TMLHE: variants seen among roughly 807,000 people sequenced by gnomAD.
The protein encoded by TMLHE is trimethyllysine dioxygenase, mitochondrial.
In TMLHE, 18 loss-of-function variants were observed where a neutral mutation model predicts 25.7. The ratio of observed to expected loss-of-function variants is 0.70; its 90% CI spans 0.48 to 1.04. The LOEUF (loss-of-function observed/expected upper bound fraction) is 1.04. Ranked by LOEUF, TMLHE falls within the 50% of genes least tolerant of loss-of-function variation. The pLI is 0.00. For synonymous variants in TMLHE, 105 were observed against 97.0 expected, an observed-to-expected ratio of 1.08 and a Z score of -0.49; for missense variants, 236 against 259.0, an observed-to-expected ratio of 0.91 and a Z score of 0.61.
intron 1 of TMLHE, among the ~76,000 whole-genome samples, chrX:155,551,281 T>C (rs1383659105): frequency 9.1e-6 from 1 of 109,746 alleles, no homozygotes; most frequent in Admixed American, 9.6e-5. Flanking sequence ...TACATGTGTA[T>C]ACATGTGCCA....
chrX:155,527,512 C>T (rs1557336653), intron 2 of TMLHE, among the ~76,000 whole-genome samples: 1 of 111,663 alleles, frequency 9.0e-6, no homozygotes, highest in South Asian at 3.7e-4. Context: ...CAGGCTAATA[C>T]AGGAGGTCCT....
intron 1 of TMLHE, among the ~76,000 whole-genome samples, chrX:155,582,792 T>A (rs1331057512): frequency 1.2e-4 from 13 of 112,142 alleles, no homozygotes; most frequent in Non-Finnish European, 2.4e-4. Flanking sequence ...GAACTAGAAA[T>A]ACCATTTGAC....
At chrX:155,508,817 T>C (rs2067090880) in intron 5 of TMLHE, among the ~76,000 whole-genome samples, 1 of 110,059 alleles carries the variant, frequency 9.1e-6, no homozygotes, top group South Asian at 3.8e-4. Flanking sequence ...TGCCTATGGG[T>C]TTGAGGAGTA....
At chrX:155,589,644 G>C (rs1446314239) in intron 1 of TMLHE, among the ~76,000 whole-genome samples, 2 of 111,502 alleles carry the variant, frequency 1.8e-5, no homozygotes, top group Non-Finnish European at 3.8e-5. Context: ...TGTGTGGATG[G>C]GAGAAGTGAT....
intron 1 of TMLHE, among the ~76,000 whole-genome samples, chrX:155,594,242 C>G (rs2124488387): frequency 8.9e-6 from 1 of 112,006 alleles, no homozygotes; most frequent in East Asian, 2.8e-4. Context: ...ATCAGCATAT[C>G]AGATGTTTTA....
chrX:155,510,066 T>C (rs1463656404), intron 5 of TMLHE, among the ~76,000 whole-genome samples: 1 of 111,252 alleles, frequency 9.0e-6, no homozygotes, highest in African/African-American at 3.3e-5. Flanking sequence ...GACGACCCTT[T>C]TGCAATATGT....
intron 1 of TMLHE, among the ~76,000 whole-genome samples, chrX:155,577,729 G>T (rs2067600062): frequency 9.0e-6 from 1 of 111,576 alleles, no homozygotes; most frequent in Admixed American, 9.5e-5. Flanking sequence ...AGAACTATTA[G>T]GTTGGTGCAA....
At position 155,491,667 on chromosome X, in the gene TMLHE, CTG is replaced by C; in HGVS notation, c.1135-3_1135-2del. The C allele has an allele frequency of 1.0e-6, 1 of 980,825 alleles. No individual in the cohort carries two copies. The allele number at this position is 980,825 out of a possible 1,213,427, so 80.8% of individuals were successfully genotyped here. A position where few individuals can be genotyped will look rare whatever the true frequency, so the allele number is the denominator to read the frequency against. ...CACGCCAGTTGTCTATAAATAGGACCTGTGAATGGGCCAAAAAAAAAAAAAAA... is the reference window on the plus strand; with the variant it reads ...CACGCCAGTTGTCTATAAATAGGACCTGAATGGGCCAAAAAAAAAAAAAAA... On this transcript the variant is annotated splice_acceptor_variant and splice_polypyrimidine_tract_variant and intron_variant, in intron 7 of 7. Transcript: ENST00000334398. LOFTEE classifies it high-confidence loss of function.
intron 2 of TMLHE, among the ~76,000 whole-genome samples, chrX:155,544,063 T>G (rs1557338449): frequency 1.8e-5 from 2 of 112,027 alleles, no homozygotes; most frequent in African/African-American, 6.5e-5. Flanking sequence ...GCTTATTAGC[T>G]TGTTGTAGGA....
intron 1 of TMLHE, among the ~76,000 whole-genome samples, chrX:155,556,470 T>C (rs1378321936): frequency 9.1e-6 from 1 of 110,311 alleles, no homozygotes; most frequent in African/African-American, 3.3e-5. Context: ...CACACATTGG[T>C]AGGATCCGTG....
intron 2 of TMLHE, among the ~76,000 whole-genome samples, chrX:155,528,867 C>T (rs1557336801): frequency 2.7e-5 from 3 of 111,079 alleles, no homozygotes; most frequent in South Asian, 3.8e-4. Flanking sequence ...CAGTATTTAT[C>T]GTATAGAAAG....
chrX:155,598,797 T>C (rs781782950), intron 1 of TMLHE, among the ~76,000 whole-genome samples: 1 of 111,785 alleles, frequency 8.9e-6, no homozygotes, highest in African/African-American at 3.2e-5. Flanking sequence ...ATATGGACTT[T>C]TCTATGATAT....
intron 1 of TMLHE, among the ~76,000 whole-genome samples, chrX:155,548,722 G>A (rs1486108531): frequency 2.9e-5 from 3 of 103,186 alleles, no homozygotes; most frequent in Admixed American, 1.0e-4. Context: ...GCGACAGAGT[G>A]AGACTCTGTC....
At position 155,567,631 on chromosome X, in the gene TMLHE, G is replaced by A. The variant is rs1368553860; in HGVS notation, c.-1-22354C>T. ...AACCGACAAAATCATACAACAAATT[G>A]AGAAGTATTAATTCAAGAAAAACTA... On this transcript the variant is annotated intron_variant, in intron 1 of 7. Coordinates refer to ENST00000334398, the MANE Select transcript of TMLHE (RefSeq NM_018196.4). Among the ~76,000 whole-genome samples the A allele has an allele frequency of 9.7e-5, 6 of 62,004 alleles. No homozygotes were observed. In the South Asian group the frequency reaches 2.9e-3, roughly 30 times the overall value. 53.8% of individuals were successfully genotyped at this position (62,004 alleles called of 115,157 possible).
intron 2 of TMLHE, among the ~76,000 whole-genome samples, chrX:155,535,070 G>C (rs1322139150): frequency 1.8e-5 from 2 of 111,927 alleles, no homozygotes; most frequent in Non-Finnish European, 3.8e-5. Context: ...ACTTGACTAT[G>C]CTGGTGCCCT....
chrX:155,559,708 C>A (rs1170017875), intron 1 of TMLHE, among the ~76,000 whole-genome samples: 2 of 112,081 alleles, frequency 1.8e-5, no homozygotes, highest in African/African-American at 6.5e-5. Flanking sequence ...CATTTAGCTC[C>A]TGTCAATTTT....
At chrX:155,532,205 T>C (rs1300788515) in intron 2 of TMLHE, among the ~76,000 whole-genome samples, 1 of 111,806 alleles carries the variant, frequency 8.9e-6, no homozygotes, top group African/African-American at 3.3e-5. Flanking sequence ...GAAAAGATCA[T>C]GAGATATGTA....
At chrX:155,560,584 AG>A (rs1557341695) in intron 1 of TMLHE, among the ~76,000 whole-genome samples, 1 of 55,966 alleles carries the variant, frequency 1.8e-5, no homozygotes, top group African/African-American at 3.8e-5. Context: ...AGGAGGAGTT[AG>A]TCATAAGGAT....
intron 1 of TMLHE, among the ~76,000 whole-genome samples, chrX:155,557,077 T>C (rs1438972225): frequency 1.8e-5 from 2 of 111,957 alleles, no homozygotes; most frequent in Non-Finnish European, 3.8e-5. Context: ...TTCATATTGC[T>C]CAAACACACA....
Sources: allele counts gnomAD v4.1 joint callset (sites outside exome capture counted in the v4.1 genomes callset), GRCh38; gene constraint gnomAD v4.1.1; transcripts MANE v1.5; gene names NCBI Gene and HGNC (gene_info 2026-07-23, HGNC 2026-07-21).